The following RIC1 variants were observed in gnomAD, a reference collection of about 807,000 sequenced individuals.
RIC1 encodes RIC1 partner of RAB6A GEF complex.
RIC1 carries 88 observed loss-of-function variants against 169.0 expected under a neutral mutation model. That is an observed-to-expected ratio of 0.52 (90% confidence interval 0.44 to 0.62). The LOEUF (loss-of-function observed/expected upper bound fraction) is 0.62, where lower values mean the gene tolerates loss of function less well. RIC1 is among the 20% of genes least tolerant of loss of function. RIC1 has a pLI of 0.00. For synonymous variants in RIC1, 790 were observed against 601.5 expected (o/e 1.31, Z -4.59); for missense variants, 1,877 against 1,725.5 (o/e 1.09, Z -1.56).
At chr9:5,632,105 T>A (rs1817743317) in intron 1 of RIC1, among the ~76,000 whole-genome samples, 1 of 152,152 alleles carries the variant, frequency 6.6e-6, no homozygotes, top group Non-Finnish European at 1.5e-5. Flanking sequence ...TTGAGGGCAT[T>A]TGAAGGCAGG....
At chr9:5,757,983 T>C (rs923230846) in intron 17 of RIC1, among the ~76,000 whole-genome samples, 1 of 152,160 alleles carries the variant, frequency 6.6e-6, no homozygotes, top group Non-Finnish European at 1.5e-5. Context: ...TAGGTATTAT[T>C]AGATCTAAGC....
intron 1 of RIC1, among the ~76,000 whole-genome samples, chr9:5,633,151 A>G (rs1308390032): frequency 6.6e-6 from 1 of 152,356 alleles, no homozygotes; most frequent in Admixed American, 6.5e-5. Flanking sequence ...AATCCTGAGC[A>G]AAAACTTAGT....
intron 10 of RIC1, among the ~76,000 whole-genome samples, chr9:5,744,802 G>C (rs1293749836): frequency 6.6e-6 from 1 of 152,092 alleles, no homozygotes; most frequent in Non-Finnish European, 1.5e-5. Context: ...AAGAGTTTCT[G>C]TAGAAAACAG....
rs1825218065 is a variant in RIC1 at position 5,743,793 on chromosome 9, C to T, written c.1095+56C>T. On this transcript the variant is annotated intron_variant, in intron 10 of 25. Transcript: ENST00000414202. ...TATTAAAAAAACTTGGATTTTTCTT[C>T]CCTTTTTTCACTCATTTTTATTTAT... is the stretch of plus-strand genomic sequence containing the variant. 7.1e-6 allele frequency: 9 copies of T among 1,263,398 alleles called. No homozygotes were observed. The Middle Eastern group carries it at 1.3e-3, about 187-fold the overall frequency. The allele number at this position is 1,263,398 out of a possible 1,614,324, so 78.3% of individuals were successfully genotyped here. A position where few individuals can be genotyped will look rare whatever the true frequency, so the allele number is the denominator to read the frequency against.
At chr9:5,640,804 T>C (rs560712042) in intron 1 of RIC1, among the ~76,000 whole-genome samples, 1 of 152,310 alleles carries the variant, frequency 6.6e-6, no homozygotes, top group Admixed American at 6.5e-5. Flanking sequence ...TCTCTCAGCA[T>C]TTTTTGTCTG....
chr9:5,632,088 C>T (rs542403169), intron 1 of RIC1, among the ~76,000 whole-genome samples: 1 of 152,174 alleles, frequency 6.6e-6, no homozygotes, highest in Non-Finnish European at 1.5e-5. Context: ...TGAAGTCTTA[C>T]AGCTGCTTGA....
chr9:5,725,431 A>G lies in RIC1; in HGVS notation c.720+4681A>G, dbSNP rs933166614. Among the ~76,000 whole-genome samples the G allele has an allele frequency of 7.1e-4, 108 of 152,084 alleles. 2 individuals carry two copies. The highest frequency in any genetic ancestry group is 7.0e-3 in the Admixed American group (107 of 15,264). On this transcript the variant is annotated intron_variant, in intron 6 of 25. Transcript: ENST00000414202. The stretch of plus-strand genomic sequence containing the variant: ...CCCTTTATCATTTTTTATTGCGTCT[A>G]CTTGATTCTTCTCTCTTTACTTCTT...
At chr9:5,689,335 G>A (rs1453146718) in intron 2 of RIC1, among the ~76,000 whole-genome samples, 1 of 152,086 alleles carries the variant, frequency 6.6e-6, no homozygotes, top group Admixed American at 6.5e-5. Flanking sequence ...ACAGGTGTGA[G>A]CCACCGCGCC....
At chr9:5,655,332 G>A (rs922820838) in intron 1 of RIC1, among the ~76,000 whole-genome samples, 4 of 152,040 alleles carry the variant, frequency 2.6e-5, no homozygotes, top group South Asian at 2.1e-4. Context: ...ACAGAGTCTC[G>A]CTCTTTTGCC....
At chr9:5,691,090 T>C (rs972169325) in intron 3 of RIC1, among the ~76,000 whole-genome samples, 4 of 152,028 alleles carry the variant, frequency 2.6e-5, no homozygotes, top group African/African-American at 9.6e-5. Flanking sequence ...AATAGGGAGC[T>C]GGTTAACAAG....
In RIC1 at chr9:5,757,424, T is replaced by C. The variant is rs1826074442; in HGVS notation, c.1965T>C (p.Asn655=). 1 of 1,613,944 alleles carries C rather than the reference T, an allele frequency of 6.2e-7. No homozygotes were observed. Among genetic ancestry groups the C allele is most frequent in the Non-Finnish European group, 8.5e-7 (1 of 1,179,938 alleles). ...CTCTGACATCAGTGAGTACAGAGAATGGAATCACCTTGAAAATGCCACAGC... is the reference window on the plus strand; with the variant it reads ...CTCTGACATCAGTGAGTACAGAGAACGGAATCACCTTGAAAATGCCACAGC... The part of the protein sequence containing the change: ...SVTLTSVSTE[N]GITLKMPQQA... The change falls in exon 17 of 26, where the codon AAT becomes AAC. Residue 655 remains asparagine (N), a synonymous_variant. Coordinates refer to ENST00000414202, the MANE Select transcript of RIC1 (RefSeq NM_020829.4).
chr9:5,695,571 C>CTT (rs539521445), intron 3 of RIC1, among the ~76,000 whole-genome samples: 31 of 128,730 alleles, frequency 2.4e-4, no homozygotes, highest in African/African-American at 3.4e-4. Context: ...ATTATTATAT[C>CTT]TTTTTTTTTT....
At chr9:5,728,846 A>G (rs113692946) in intron 6 of RIC1, among the ~76,000 whole-genome samples, 7 of 152,336 alleles carry the variant, frequency 4.6e-5, no homozygotes, top group African/African-American at 1.7e-4. Context: ...ATAGCTAATT[A>G]ATATATGGAT....
intron 3 of RIC1, among the ~76,000 whole-genome samples, chr9:5,711,517 G>C (rs1822923904): frequency 6.6e-6 from 1 of 151,700 alleles, no homozygotes; most frequent in African/African-American, 2.4e-5. Flanking sequence ...GAGTTGGTCT[G>C]TTCAAATCAG....
At chr9:5,682,957 G>A (rs1051814449) in intron 2 of RIC1, among the ~76,000 whole-genome samples, 19 of 152,002 alleles carry the variant, frequency 1.2e-4, no homozygotes, top group African/African-American at 2.4e-4. Context: ...TGATCGCATC[G>A]GCTACTGAGG....
intron 1 of RIC1, among the ~76,000 whole-genome samples, chr9:5,650,647 A>G (rs1015690963): frequency 2.0e-5 from 3 of 151,952 alleles, no homozygotes; most frequent in African/African-American, 7.3e-5. Flanking sequence ...GACATGTTCA[A>G]GTGTGCTGCA....
intron 1 of RIC1, among the ~76,000 whole-genome samples, chr9:5,635,385 C>T (rs906981329): frequency 1.3e-5 from 2 of 152,124 alleles, no homozygotes; most frequent in African/African-American, 4.8e-5. Context: ...CAGTTTCCTT[C>T]CTTAGCATGT....
chr9:5,662,642 T>C (rs1476639726), intron 2 of RIC1, among the ~76,000 whole-genome samples: 1 of 152,198 alleles, frequency 6.6e-6, no homozygotes, highest in Admixed American at 6.5e-5. Context: ...ATTTATAGTA[T>C]TCTCTGATGA....
At chr9:5,679,666 C>T (rs1163629582) in intron 2 of RIC1, among the ~76,000 whole-genome samples, 10 of 152,126 alleles carry the variant, frequency 6.6e-5, no homozygotes, top group Non-Finnish European at 1.0e-4. Flanking sequence ...TATAAGAATG[C>T]TTGTGATTTT....
Sources: allele counts gnomAD v4.1 joint callset (sites outside exome capture counted in the v4.1 genomes callset), GRCh38; gene constraint gnomAD v4.1.1; transcripts MANE v1.5; gene names NCBI Gene and HGNC (gene_info 2026-07-23, HGNC 2026-07-21).